DHRSX: variants seen among roughly 807,000 people sequenced by gnomAD.
The protein encoded by DHRSX is polyprenol dehydrogenase.
In DHRSX, 31 loss-of-function variants were observed where a neutral mutation model predicts 34.0. The ratio of observed to expected loss-of-function variants is 0.91; its 90% CI spans 0.69 to 1.23. The LOEUF is 1.23. Ranked by LOEUF, DHRSX falls within the 50% of genes most tolerant of loss-of-function variation. DHRSX has a pLI of 0.00. For missense variants in DHRSX, 414 were observed against 428.1 expected (o/e 0.97, Z 0.29); for synonymous variants, 201 against 183.8 (o/e 1.09, Z -0.76).
intron 5 of DHRSX, among the ~76,000 whole-genome samples, chrX:2,245,990 C>G (rs1371104984): frequency 3.5e-5 from 5 of 142,686 alleles, no homozygotes; most frequent in Admixed American, 1.4e-4. Flanking sequence ...AAAAAACACA[C>G]AAACAAAAAA....
At chrX:2,225,413 CACAT>C (rs2015634488) in intron 6 of DHRSX, among the ~76,000 whole-genome samples, 1 of 152,198 alleles carries the variant, frequency 6.6e-6, no homozygotes. Flanking sequence ...CGTGTACATT[CACAT>C]ACTCATTCAC....
chrX:2,336,834 G>A (rs1411455101), intron 3 of DHRSX, among the ~76,000 whole-genome samples: 1 of 78,070 alleles, frequency 1.3e-5, no homozygotes, highest in Non-Finnish European at 3.6e-5. Flanking sequence ...GCAGCCCTAA[G>A]ATAGATAGAT....
chrX:2,366,760 TA>T (rs1166977292), intron 3 of DHRSX, among the ~76,000 whole-genome samples: 1 of 129,542 alleles, frequency 7.7e-6, no homozygotes, highest in Non-Finnish European at 1.6e-5. Context: ...CATACCCGGA[TA>T]ATTTTTTTTT....
intron 1 of DHRSX, among the ~76,000 whole-genome samples, chrX:2,464,177 CG>C (rs1316271056): frequency 7.2e-6 from 1 of 138,614 alleles, no homozygotes; most frequent in Non-Finnish European, 1.5e-5. Flanking sequence ...AGATGGCAGA[CG>C]TTTCCTAGGC....
rs1430941385 is a variant in DHRSX at position 2,376,647 on chromosome X, G to T, written c.286+32098C>A. 4.4e-5 allele frequency among the ~76,000 whole-genome samples: 6 copies of T among 137,390 alleles called. 2 individuals are homozygous for T. Among genetic ancestry groups the T allele is most frequent in the Non-Finnish European group, 6.9e-5 (4 of 58,228 alleles). 90.1% of individuals were successfully genotyped at this position (137,390 alleles called of 152,430 possible). On this transcript the variant is annotated intron_variant, in intron 3 of 6. Coordinates refer to ENST00000334651, the MANE Select transcript of DHRSX (RefSeq NM_145177.3). ...CTAGGTTGTCATTGCATACAATTAG[G>T]TTGCATTAGAGTAGTGTACGCTGTT...
intron 1 of DHRSX, among the ~76,000 whole-genome samples, chrX:2,471,587 G>A (rs1253032803): frequency 4.0e-5 from 6 of 150,956 alleles, no homozygotes; most frequent in Non-Finnish European, 8.8e-5. Context: ...AGACATTTAC[G>A]TTGAGATTTC....
At chrX:2,386,735 T>C (rs1440159773) in intron 3 of DHRSX, among the ~76,000 whole-genome samples, 3 of 152,224 alleles carry the variant, frequency 2.0e-5, no homozygotes, top group African/African-American at 7.2e-5. Context: ...TAAGTTTAAA[T>C]CATATTTTTA....
At chrX:2,459,579 T>TATATACAC (rs1178347741) in intron 1 of DHRSX, among the ~76,000 whole-genome samples, 3 of 127,924 alleles carry the variant, frequency 2.3e-5, no homozygotes, top group Non-Finnish European at 5.0e-5. Context: ...TATATATATA[T>TATATACAC]ACACACACAT....
chrX:2,301,549 G>A (rs142035472), intron 3 of DHRSX, among the ~76,000 whole-genome samples: 253 of 152,332 alleles, frequency 1.7e-3, no homozygotes, highest in African/African-American at 5.3e-3. Context: ...TGAGAGGGAT[G>A]GGCCATGACA....
intron 1 of DHRSX, among the ~76,000 whole-genome samples, chrX:2,456,844 G>A (rs752305039): frequency 6.6e-4 from 100 of 152,228 alleles, no homozygotes; most frequent in African/African-American, 2.3e-3. Flanking sequence ...TCTGATCTGA[G>A]TGCGGCTGGG....
chrX:2,249,715 G>C (rs1285736580), intron 5 of DHRSX, among the ~76,000 whole-genome samples: 4 of 150,964 alleles, frequency 2.6e-5, no homozygotes, highest in Non-Finnish European at 5.9e-5. Context: ...GTAGAGATGG[G>C]GTGTCACTGT....
chrX:2,283,855 TTCAC>T (rs2041764995), intron 4 of DHRSX, among the ~76,000 whole-genome samples: 2 of 152,264 alleles, frequency 1.3e-5, no homozygotes, highest in African/African-American at 4.8e-5. Flanking sequence ...TTCATTTAAA[TTCAC>T]TCATTTGAAT....
intron 3 of DHRSX, among the ~76,000 whole-genome samples, chrX:2,359,888 C>T (rs1335613911): frequency 1.3e-5 from 2 of 151,834 alleles, no homozygotes; most frequent in Admixed American, 6.6e-5. Flanking sequence ...AACATATGGA[C>T]ACAGAGAGGG....
intron 3 of DHRSX, among the ~76,000 whole-genome samples, chrX:2,361,016 G>C (rs1222085401): frequency 2.0e-5 from 3 of 152,148 alleles, no homozygotes; most frequent in African/African-American, 7.2e-5. Context: ...AGTTCTGACA[G>C]CTCCTACTGG....
In DHRSX at chrX:2,489,924, C is replaced by T. The variant is rs767015358; in HGVS notation, c.109+10893G>A. On this transcript the variant is annotated intron_variant, in intron 1 of 6. Transcript: ENST00000334651. ...TCCTTGCCATAGTTGGTGGTGGCCC[C>T]GAAGACCTTGGCGCTGATGCCCCAC... The T allele has an allele frequency of 3.7e-6, 6 of 1,613,844 alleles. No homozygotes were observed. In the South Asian group the frequency reaches 5.5e-5, roughly 15 times the overall value.
chrX:2,459,550 G>GTGTATATATA (rs1202342518), intron 1 of DHRSX, among the ~76,000 whole-genome samples: 2 of 137,804 alleles, frequency 1.5e-5, no homozygotes, highest in South Asian at 2.3e-4. Context: ...GTGTCTGTGT[G>GTGTATATATA]TATATATATA....
intron 3 of DHRSX, among the ~76,000 whole-genome samples, chrX:2,298,614 A>ACACACACACACACACACACACACG (rs1556457244): frequency 0.037 from 3,044 of 83,098 alleles, 344 homozygotes; most frequent in African/African-American, 0.1. Flanking sequence ...ACACACACAC[A>ACACACACACACACACACACACACG]CACACACACA....
At chrX:2,500,433 G>C (rs1265006415) in intron 1 of DHRSX, 4 of 166,510 alleles carry the variant, frequency 2.4e-5, no homozygotes, top group Admixed American at 1.3e-4. Flanking sequence ...TCTTGGGCGC[G>C]GGGCGTGCGA....
At chrX:2,360,394 C>T (rs756438351) in intron 3 of DHRSX, among the ~76,000 whole-genome samples, 26 of 152,198 alleles carry the variant, frequency 1.7e-4, no homozygotes, top group African/African-American at 2.4e-4. Context: ...ACCAGCCTGA[C>T]CAACATGGTG....
Sources: gnomAD v4.1 joint callset for allele counts (sites outside exome capture counted in the v4.1 genomes callset) on GRCh38, gnomAD v4.1.1 for gene constraint, MANE v1.5 for transcripts, NCBI Gene and HGNC (gene_info 2026-07-23, HGNC 2026-07-21) for gene names.